The following NRXN3 variants were observed in gnomAD, a reference collection of about 807,000 sequenced individuals.
The protein encoded by NRXN3 is neurexin 3, also known as neurexin III.
Under a neutral mutation model 137.6 loss-of-function variants are expected in NRXN3, and 32 were observed. The ratio of observed to expected loss-of-function variants is 0.23; its 90% CI spans 0.18 to 0.31. NRXN3 has a LOEUF of 0.31. Among genes scored for constraint, NRXN3 ranks in the 10% least tolerant of loss-of-function variants. The pLI, the probability that NRXN3 is intolerant of heterozygous loss-of-function variation, is 1.00. For synonymous variants in NRXN3, 798 were observed against 784.5 expected (o/e 1.02, Z -0.29); for missense variants, 1,574 against 2,062.5 (o/e 0.76, Z 4.59).
intron 15 of NRXN3, among the ~76,000 whole-genome samples, chr14:79,157,030 T>TAGCTC (rs2060315221): frequency 1.3e-5 from 2 of 151,762 alleles, no homozygotes; most frequent in African/African-American, 4.8e-5. Context: ...CAGCTAGAGA[T>TAGCTC]TACCTCAACT....
chr14:78,739,612 C>T (rs1198197266), intron 8 of NRXN3, among the ~76,000 whole-genome samples: 1 of 152,186 alleles, frequency 6.6e-6, no homozygotes, highest in Non-Finnish European at 1.5e-5. Flanking sequence ...GCTGGGATTA[C>T]AGGTGCCTGC....
chr14:79,417,889 A>G (rs2153527306), intron 15 of NRXN3, among the ~76,000 whole-genome samples: 1 of 152,122 alleles, frequency 6.6e-6, no homozygotes, highest in East Asian at 1.9e-4. Flanking sequence ...GCCTAGTTCT[A>G]GCTTCTGTAT....
chr14:78,194,847 C>A (rs931182563), intron 1 of NRXN3, among the ~76,000 whole-genome samples: 10 of 152,198 alleles, frequency 6.6e-5, no homozygotes, highest in African/African-American at 2.4e-4. Flanking sequence ...GCAATCTACG[C>A]CCCGGCTGGC....
chr14:79,028,896 T>C (rs2099602823), intron 15 of NRXN3, among the ~76,000 whole-genome samples: 1 of 152,138 alleles, frequency 6.6e-6, no homozygotes, highest in African/African-American at 2.4e-5. Context: ...ATTCTAAATG[T>C]AACTCTTGTT....
intron 16 of NRXN3, among the ~76,000 whole-genome samples, chr14:79,474,036 C>G (rs973280720): frequency 2.0e-5 from 3 of 152,100 alleles, no homozygotes; most frequent in Non-Finnish European, 4.4e-5. Context: ...AATCTGTTTA[C>G]TTTGATTCCA....
At chr14:79,643,601 T>G (rs1183338307) in intron 16 of NRXN3, among the ~76,000 whole-genome samples, 1 of 135,630 alleles carries the variant, frequency 7.4e-6, no homozygotes, top group Non-Finnish European at 1.7e-5. Context: ...CCTACCTTTT[T>G]TTATCCAGTA....
chr14:78,895,866 C>T (rs903384408), intron 10 of NRXN3, among the ~76,000 whole-genome samples: 6 of 151,770 alleles, frequency 4.0e-5, no homozygotes, highest in African/African-American at 1.5e-4. Flanking sequence ...GTTGAGCGGT[C>T]AGAAGACACA....
intron 4 of NRXN3, among the ~76,000 whole-genome samples, chr14:78,436,374 G>A (rs932363002): frequency 9.2e-5 from 14 of 152,140 alleles, no homozygotes; most frequent in Admixed American, 3.9e-4. Flanking sequence ...ATATTAACTC[G>A]TATATTCCTC....
chr14:79,587,007 G>A (rs2097769441), intron 16 of NRXN3, among the ~76,000 whole-genome samples: 1 of 152,122 alleles, frequency 6.6e-6, no homozygotes, highest in Non-Finnish European at 1.5e-5. Context: ...TCTTGTCAAT[G>A]GCTTTGATCC....
intron 17 of NRXN3, among the ~76,000 whole-genome samples, chr14:79,681,992 C>G (rs2154014123): frequency 6.6e-6 from 1 of 152,128 alleles, no homozygotes; most frequent in South Asian, 2.1e-4. Context: ...TATGTCTGAT[C>G]ATTTTGCTTT....
chr14:79,390,373 T>A (rs946513005), intron 15 of NRXN3, among the ~76,000 whole-genome samples: 1 of 152,204 alleles, frequency 6.6e-6, no homozygotes, highest in East Asian at 1.9e-4. Context: ...TTTGTCATTC[T>A]TCATCTCTCC....
chr14:79,644,020 G>A (rs1199142280), intron 16 of NRXN3, among the ~76,000 whole-genome samples: 2 of 135,422 alleles, frequency 1.5e-5, no homozygotes, highest in African/African-American at 2.5e-5. Flanking sequence ...TGCACATAGT[G>A]TGTGCCAAAA....
At chr14:79,618,636 G>A (rs2098188495) in intron 16 of NRXN3, among the ~76,000 whole-genome samples, 1 of 152,172 alleles carries the variant, frequency 6.6e-6, no homozygotes, top group East Asian at 1.9e-4. Context: ...CTTTGCTATT[G>A]TGAATAGTGC....
intron 16 of NRXN3, among the ~76,000 whole-genome samples, chr14:79,567,215 C>T (rs1053788619): frequency 7.9e-5 from 12 of 151,442 alleles, no homozygotes; most frequent in African/African-American, 2.9e-4. Flanking sequence ...ATGTTAAATA[C>T]AGTTTAGGCT....
At chr14:78,322,835 C>A (rs2079549915) in intron 4 of NRXN3, among the ~76,000 whole-genome samples, 4 of 152,006 alleles carry the variant, frequency 2.6e-5, no homozygotes, top group Admixed American at 2.6e-4. Context: ...TTGAGCCTCA[C>A]ACACTCTGTG....
intron 15 of NRXN3, among the ~76,000 whole-genome samples, chr14:79,190,181 A>C (rs1300896400): frequency 6.6e-6 from 1 of 152,178 alleles, no homozygotes; most frequent in Non-Finnish European, 1.5e-5. Context: ...AGACATTTTC[A>C]GATTAAGTTG....
intron 15 of NRXN3, among the ~76,000 whole-genome samples, chr14:79,391,004 C>T (rs975494227): frequency 2.6e-5 from 4 of 152,098 alleles, no homozygotes; most frequent in Non-Finnish European, 5.9e-5. Context: ...AGCAAGGAGT[C>T]CCTTGCCAGT....
chr14:78,775,493 A>G (rs930934117), intron 8 of NRXN3, among the ~76,000 whole-genome samples: 2 of 152,150 alleles, frequency 1.3e-5, no homozygotes, highest in Non-Finnish European at 1.5e-5. Flanking sequence ...CCCATCAACT[A>G]TCATTACTGT....
At chr14:78,966,543 TAAATGGATCCATA>T in intron 12 of NRXN3, 137 bp downstream of exon 12, 1 of 907,400 alleles carries the variant, frequency 1.1e-6, no homozygotes. Flanking sequence ...CTTCCTTGAT[TAAATGGATCCATA>T]AAATTATTAG....
Sources: gnomAD v4.1 joint callset for allele counts (sites outside exome capture counted in the v4.1 genomes callset) on GRCh38, gnomAD v4.1.1 for gene constraint, MANE v1.5 for transcripts, NCBI Gene and HGNC (gene_info 2026-07-23, HGNC 2026-07-21) for gene names.